Variants in PDGFRA observed in about 807,000 individuals in gnomAD.
The protein encoded by PDGFRA is platelet derived growth factor receptor alpha, also known as platelet-derived growth factor receptor alpha.
A neutral mutation model predicts 121.5 loss-of-function variants in PDGFRA; 25 were observed. The observed-to-expected ratio is 0.21, with a 90% confidence interval of 0.15 to 0.29. PDGFRA has a LOEUF of 0.29. Among genes scored for constraint, PDGFRA ranks in the 10% least tolerant of loss-of-function variants. The pLI, the probability that PDGFRA is intolerant of heterozygous loss-of-function variation, is 1.00. For synonymous variants in PDGFRA, 463 were observed against 494.8 expected, an observed-to-expected ratio of 0.94 and a Z score of 0.85; for missense variants, 1,008 against 1,345.1, an observed-to-expected ratio of 0.75 and a Z score of 3.92.
rs1180732578 is a variant in PDGFRA, at chr4:54,261,041, G to A, written c.50-54G>A. ...TACTGTTGCTTCTCTCAGTTGTCGG[G>A]ATGAGACTGTCCTTTCTGACTGCAT... is the stretch of plus-strand genomic sequence containing the variant. On this transcript the variant is annotated intron_variant, in intron 2 of 22. Coordinates refer to ENST00000257290, the MANE Select transcript of PDGFRA (RefSeq NM_006206.6). The A allele has an allele frequency of 2.0e-6, 3 of 1,503,344 alleles. No individual in the cohort carries two copies. In the African/African-American group the frequency reaches 4.1e-5, roughly 21 times the overall value. The allele number at this position is 1,503,344 out of a possible 1,614,324, so 93.1% of individuals were successfully genotyped here. A position where few individuals can be genotyped will look rare whatever the true frequency, so the allele number is the denominator to read the frequency against.
intron 16 of PDGFRA, among the ~76,000 whole-genome samples, chr4:54,282,772 A>G (rs576716636): frequency 1.3e-5 from 2 of 152,334 alleles, no homozygotes; most frequent in South Asian, 2.1e-4. Flanking sequence ...CCTTCCACCT[A>G]TGAGCCTGTA....
chr4:54,243,941 G>A (rs527969265), intron 1 of PDGFRA, among the ~76,000 whole-genome samples: 18 of 152,348 alleles, frequency 1.2e-4, no homozygotes, highest in East Asian at 3.9e-4. Context: ...AGGGTCCTAC[G>A]CCCACAGAGT....
chr4:54,261,802 C>T (rs1722733560), intron 3 of PDGFRA, among the ~76,000 whole-genome samples: 1 of 150,184 alleles, frequency 6.7e-6, no homozygotes, highest in African/African-American at 2.4e-5. Flanking sequence ...ATTATAATAT[C>T]TTCCAAATAA....
chr4:54,269,343 G>A (rs752713139), intron 7 of PDGFRA, among the ~76,000 whole-genome samples: 1 of 151,974 alleles, frequency 6.6e-6, no homozygotes, highest in African/African-American at 2.4e-5. Context: ...CAATTATCAC[G>A]TTTTACACAC....
At chr4:54,233,162 GGTTCAGA>G (rs979858530) in intron 1 of PDGFRA, among the ~76,000 whole-genome samples, 13 of 151,334 alleles carry the variant, frequency 8.6e-5, no homozygotes, top group African/African-American at 3.2e-4. Context: ...GCAGCTCTGA[GGTTCAGA>G]GCGCGGCGCG....
At chr4:54,287,081 T>C (rs116147317) in intron 18 of PDGFRA, among the ~76,000 whole-genome samples, 141 of 152,318 alleles carry the variant, frequency 9.3e-4, no homozygotes, top group Admixed American at 1.6e-3. Context: ...GATCATTGGA[T>C]CTGTTCTTAG....
At chr4:54,271,956 C>CAT (rs1457384466) in intron 8 of PDGFRA, among the ~76,000 whole-genome samples, 3 of 8,318 alleles carry the variant, frequency 3.6e-4, no homozygotes, top group African/African-American at 9.8e-4. Context: ...TTCCTTCATT[C>CAT]TCCCCTCCCC....
At chr4:54,257,031 A>G (rs1722410133) in intron 1 of PDGFRA, among the ~76,000 whole-genome samples, 1 of 152,144 alleles carries the variant, frequency 6.6e-6, no homozygotes, top group Admixed American at 6.5e-5. Flanking sequence ...CCTGTTTCAT[A>G]AACAAATTAA....
intron 1 of PDGFRA, among the ~76,000 whole-genome samples, chr4:54,239,692 G>C (rs1308846463): frequency 6.6e-6 from 1 of 152,182 alleles, no homozygotes; most frequent in Non-Finnish European, 1.5e-5. Context: ...GTGGCTGTGA[G>C]GCCTCTGGCT....
At chr4:54,267,777 A>C (rs1723124600) in intron 7 of PDGFRA, 36 bp downstream of exon 7, 1 of 1,563,718 alleles carries the variant, frequency 6.4e-7, no homozygotes, top group African/African-American at 1.4e-5. Context: ...GCCTTTTTTT[A>C]GTGTGCATCA....
At chr4:54,268,545 G>A (rs1723164739) in intron 7 of PDGFRA, among the ~76,000 whole-genome samples, 2 of 152,194 alleles carry the variant, frequency 1.3e-5, no homozygotes, top group Admixed American at 6.5e-5. Flanking sequence ...TGTATTTCAA[G>A]CCTTCAGGAG....
Position 54,267,743 on chromosome 4 carries a change from T to C in PDGFRA, c.1121+2T>C. 6.2e-7 allele frequency: 1 copy of C among 1,612,552 alleles called. No individual in the cohort carries two copies. ...TGTGGAAAAGATTCAGGAAATAAGG[T>C]AAAGAAACTCTCTGCCCAAGTATGC... On this transcript the variant is annotated splice_donor_variant, in intron 7 of 22. Transcript: ENST00000257290. LOFTEE classifies it high-confidence loss of function.
Position 54,258,778 on chromosome 4 carries a change from TC to T in PDGFRA, c.13del (p.His5IlefsTer7). MGT[S>X]HPAFLVLGCL... is the part of the protein sequence containing the mutation. ...CTAGTTTCCCAGAGCTATGGGGACT[TC>T]CCATCCGGCGTTCCTGGTCTTAGGC... On this transcript the variant is annotated frameshift_variant, in exon 2 of 23. Coordinates refer to ENST00000257290, the MANE Select transcript of PDGFRA (RefSeq NM_006206.6). LOFTEE classifies it high-confidence loss of function. The T allele has an allele frequency of 6.2e-7, 1 of 1,613,408 alleles. No individual in the cohort carries two copies. The highest frequency in any genetic ancestry group is 8.5e-7 in the Non-Finnish European group (1 of 1,179,300).
In PDGFRA at chr4:54,275,097, G is replaced by T. The variant is rs890932782; in HGVS notation, c.1786+124G>T. On this transcript the variant is annotated intron_variant, in intron 12 of 22. Coordinates refer to ENST00000257290, the MANE Select transcript of PDGFRA (RefSeq NM_006206.6). ...AGTAAGAACTAGGCAATGGAAATTT[G>T]CTTTCAGAAATACATTTCTGTCTTG... 10 of 1,019,914 alleles carry T rather than the reference G, an allele frequency of 9.8e-6. No homozygotes were observed. In the African/African-American group the frequency reaches 1.6e-4, roughly 16 times the overall value. The allele number at this position is 1,019,914 out of a possible 1,614,324, so 63.2% of individuals were successfully genotyped here. A position where few individuals can be genotyped will look rare whatever the true frequency, so the allele number is the denominator to read the frequency against.
intron 16 of PDGFRA, chr4:54,281,627 T>C (rs993525012): frequency 5.2e-6 from 7 of 1,358,372 alleles, no homozygotes; most frequent in Admixed American, 2.2e-5. Context: ...ACCTGAGTCA[T>C]GCTCAGGCCC....
In PDGFRA at chr4:54,278,556, C is replaced by A. The variant is rs746208763; in HGVS notation, c.2156+41C>A. On this transcript the variant is annotated intron_variant, in intron 15 of 22. Coordinates refer to ENST00000257290, the MANE Select transcript of PDGFRA (RefSeq NM_006206.6). ...GATGTTGCTGTCTATCATTATCTTA[C>A]AGGCATCACAAATGGAAAGACCCAT... The A allele has an allele frequency of 1.9e-6, 3 of 1,592,082 alleles. No individual in the cohort carries two copies. The Admixed American group carries it at 5.0e-5, about 27-fold the overall frequency.
At chr4:54,277,011 C>G (rs911395762) in intron 12 of PDGFRA, among the ~76,000 whole-genome samples, 1 of 152,050 alleles carries the variant, frequency 6.6e-6, no homozygotes, top group African/African-American at 2.4e-5. Flanking sequence ...AAAAGATGCC[C>G]CTGTTTGCAT....
intron 1 of PDGFRA, among the ~76,000 whole-genome samples, chr4:54,231,252 C>T (rs1385846534): frequency 6.6e-6 from 1 of 152,250 alleles, no homozygotes; most frequent in South Asian, 2.1e-4. Context: ...CAGGTCCCTA[C>T]CGCCCCGCGT....
At chr4:54,278,589 T>C (rs1313699004) in intron 15 of PDGFRA, 74 bp downstream of exon 15, 1 of 1,441,180 alleles carries the variant, frequency 6.9e-7, no homozygotes, top group Non-Finnish European at 9.7e-7. Flanking sequence ...CATGTCCTGA[T>C]AGATATCATG....
Sources: gnomAD v4.1 joint callset for allele counts (sites outside exome capture counted in the v4.1 genomes callset) on GRCh38, gnomAD v4.1.1 for gene constraint, MANE v1.5 for transcripts, NCBI Gene and HGNC (gene_info 2026-07-23, HGNC 2026-07-21) for gene names.